TAOK2: variants seen among roughly 807,000 people sequenced by gnomAD.
TAOK2 encodes the protein serine/threonine-protein kinase TAO2.
Under a neutral mutation model 122.5 loss-of-function variants are expected in TAOK2, and 42 were observed. That is an observed-to-expected ratio of 0.34 (90% CI 0.27 to 0.44). TAOK2 has a LOEUF of 0.44. Among genes scored for constraint, TAOK2 ranks in the 20% least tolerant of loss-of-function variants. TAOK2 has a pLI of 1.00. For missense variants in TAOK2, 1,264 were observed against 1,644.9 expected (o/e 0.77, Z 4.01); for synonymous variants, 704 against 677.6 (o/e 1.04, Z -0.61).
In TAOK2 at chr16:29,986,249, A is replaced by G. The variant is rs545200235; in HGVS notation, c.1993-16A>G. The G allele has an allele frequency of 2.7e-6, 4 of 1,507,884 alleles. No individual in the cohort carries two copies. Among genetic ancestry groups the G allele is most frequent in the African/African-American group, 1.4e-5 (1 of 71,250 alleles). 93.4% of individuals were successfully genotyped at this position (1,507,884 alleles called of 1,614,324 possible). ...ATACTGACCAGGCCCCGGGCCCTGC[A>G]TTTCTTCTGCCTCAGGACCTGAACA... is the stretch of plus-strand genomic sequence containing the variant. On this transcript the variant is annotated splice_polypyrimidine_tract_variant and intron_variant, in intron 15 of 15. Transcript: ENST00000308893. This position sits in a 1 kb window ranked among gnomAD's most constrained non-coding sequence, Gnocchi z 4.2.
chr16:29,992,215 C>G (rs1596627757), downstream of TAOK2: 1 of 151,996 alleles, frequency 6.6e-6, no homozygotes, highest in South Asian at 2.1e-4. Context: ...GGGGCTGGCA[C>G]AGAGCCCCAG....
chr16:29,989,708 G>C, downstream of TAOK2: 1 of 1,614,044 alleles, frequency 6.2e-7, no homozygotes, highest in Non-Finnish European at 8.5e-7. Flanking sequence ...CAGCACAAGA[G>C]CCTCCTTAAG....
Position 29,979,336 on chromosome 16 carries a change from G to C in TAOK2, c.563+28G>C, listed in dbSNP as rs902035451. ...GAGTGAGTGAGTGGTGGTGAGTGGA[G>C]AGACCTCCCAGGGATGTTGGGAGTA... On this transcript the variant is annotated intron_variant, in intron 7 of 15. Transcript: ENST00000308893. The surrounding 1 kb of genome is among the most constrained non-coding windows in gnomAD (Gnocchi z 4.1). 11 of 1,612,772 alleles carry C rather than the reference G, an allele frequency of 6.8e-6. No homozygotes were observed. Among genetic ancestry groups the C allele is most frequent in the Non-Finnish European group, 9.3e-6 (11 of 1,178,986 alleles).
intron 13 of TAOK2, among the ~76,000 whole-genome samples, chr16:29,984,899 G>A (rs755988755): frequency 1.3e-5 from 2 of 152,146 alleles, no homozygotes; most frequent in Non-Finnish European, 2.9e-5. Context: ...CACATGCTTG[G>A]TAAGTGGCAA....
chr16:29,982,803 G>T lies in TAOK2; in HGVS notation c.901G>T (p.Val301Leu). The T allele has an allele frequency of 6.2e-7, 1 of 1,614,122 alleles. No homozygotes were observed. The highest frequency in any genetic ancestry group is 8.5e-7 in the Non-Finnish European group (1 of 1,179,982). ...CCTGATCCAGAGGACCAAGGATGCC[G>T]TGCGGGAGCTGGACAACCTGCAGTA... is the stretch of plus-strand genomic sequence containing the variant. ...MDLIQRTKDA[V>L]RELDNLQYRK... Residue 301 changes from valine (V) to leucine (L), a missense_variant, in exon 11 of 16, where the codon GTG (valine) becomes TTG (leucine). Coordinates refer to ENST00000308893, the MANE Select transcript of TAOK2 (RefSeq NM_016151.4).
rs1451097302 is a variant in TAOK2 at position 29,988,286 on chromosome 16, GT to G, written c.*314del. ...GGTGGTGGAGGGTGGGAAGAGTCAT[GT>G]TTTTTTTCTCCTCTTTGATTTTGTT... On this transcript the variant is annotated 3_prime_UTR_variant, in exon 16 of 16. Transcript: ENST00000308893. 8.2e-6 allele frequency: 12 copies of G among 1,465,720 alleles called. No homozygotes were observed. In the South Asian group the frequency reaches 1.2e-4, roughly 14 times the overall value. 90.8% of individuals were successfully genotyped at this position (1,465,720 alleles called of 1,614,324 possible).
chr16:29,987,860 G>A lies in TAOK2; in HGVS notation c.3588G>A (p.Arg1196=), dbSNP rs773776958. ...GTGAACGGCCCACCCGAATCCCCCGGCTACTACCACGCAGCCAGCGCCAGC... is the reference window on the plus strand; with the variant it reads ...GTGAACGGCCCACCCGAATCCCCCGACTACTACCACGCAGCCAGCGCCAGC... The part of the protein sequence containing the change: ...LRGERPTRIP[R]LLPRSQRQLG... The change falls in exon 16 of 16, where the codon CGG becomes CGA. Residue 1196 remains arginine (R), a synonymous_variant. Coordinates refer to ENST00000308893, the MANE Select transcript of TAOK2 (RefSeq NM_016151.4). 3.1e-6 allele frequency: 5 copies of A among 1,609,368 alleles called. No homozygotes were observed. Among genetic ancestry groups the A allele is most frequent in the Non-Finnish European group, 4.2e-6 (5 of 1,179,188 alleles).
At chr16:29,989,608 A>G (rs138875458), downstream of TAOK2, 727 of 1,613,992 alleles carry the variant, frequency 4.5e-4, 2 homozygotes, top group Non-Finnish European at 5.9e-4. Flanking sequence ...GGAGCTGCAG[A>G]TCAAGAAGCA....
intron 12 of TAOK2, 73 bp from the exon 13 acceptor site, chr16:29,983,430 T>A: frequency 6.4e-7 from 1 of 1,564,120 alleles, no homozygotes. Context: ...TGAGTCTGAT[T>A]GGCTGTCCTC....
At chr16:29,989,301 C>T (rs1384391062), downstream of TAOK2, 10 of 985,186 alleles carry the variant, frequency 1.0e-5, no homozygotes, top group South Asian at 4.7e-5. Context: ...ACTCCGTGCA[C>T]GTGCTCTTGG....
At position 29,987,278 on chromosome 16, in the gene TAOK2, C is replaced by CGAGA; in HGVS notation, c.3006_3007insGAGA (p.Tyr1003GlufsTer135). ...TGGGGCTGGTGGGTCTGGGGGCCTC[C>CGAGA]TACCTGCTCCTTTGTACAGCCCTGC... On this transcript the variant is annotated frameshift_variant, in exon 16 of 16. Transcript: ENST00000308893. LOFTEE classifies it high-confidence loss of function. 1 of 1,526,622 alleles carries CGAGA rather than the reference C, an allele frequency of 6.6e-7. No individual in the cohort carries two copies. Among genetic ancestry groups the CGAGA allele is most frequent in the South Asian group, 1.3e-5 (1 of 75,720 alleles). 94.6% of individuals were successfully genotyped at this position (1,526,622 alleles called of 1,614,324 possible).
At position 29,988,098 on chromosome 16, in the gene TAOK2, C is replaced by G. The variant is rs1331853613; in HGVS notation, c.*118C>G. 2.1e-6 allele frequency: 3 copies of G among 1,435,908 alleles called. No homozygotes were observed. The Admixed American group carries it at 8.6e-5, about 41-fold the overall frequency. 88.9% of individuals were successfully genotyped at this position (1,435,908 alleles called of 1,614,324 possible). On this transcript the variant is annotated 3_prime_UTR_variant, in exon 16 of 16. Transcript: ENST00000308893. Reference sequence around the variant, plus strand: ...TCACCCACCTTCCTCAGTTTGCTCACTTACCCCAGGCCCAGCCCTTCGGAC... The same window carrying G: ...TCACCCACCTTCCTCAGTTTGCTCAGTTACCCCAGGCCCAGCCCTTCGGAC...
At position 29,979,057 on chromosome 16, in the gene TAOK2, A is replaced by G; in HGVS notation, c.436A>G (p.Asn146Asp). The G allele has an allele frequency of 6.2e-7, 1 of 1,614,128 alleles. No individual in the cohort carries two copies. The highest frequency in any genetic ancestry group is 1.3e-5 in the African/African-American group (1 of 75,024). ...LQGLAYLHSH[N>D]MIHRDVKAGN... Reference sequence around the variant, plus strand: ...GGGCCTGGCATATCTGCACTCCCACAACATGATCCATAGGTACAAGCAGCA... The same window carrying G: ...GGGCCTGGCATATCTGCACTCCCACGACATGATCCATAGGTACAAGCAGCA... The change falls in exon 6 of 16, where the codon AAC becomes GAC. Residue 146 changes from asparagine (N) to aspartate (D), a missense_variant. Physicochemically the swap from Asn to Asp is conservative, Grantham distance 23. Transcript: ENST00000308893. The surrounding 1 kb of genome is among the most constrained non-coding windows in gnomAD (Gnocchi z 4.1).
downstream of TAOK2, chr16:29,991,052 A>G (rs1486706519): frequency 1.3e-6 from 2 of 1,574,214 alleles, no homozygotes; most frequent in Non-Finnish European, 8.6e-7. The surrounding 1 kb of genome is among the most constrained non-coding windows in gnomAD (Gnocchi z 5.6). Context: ...CCCAGGTGGA[A>G]GAGGAGCTGC....
chr16:29,978,152 T>C lies in TAOK2; in HGVS notation c.196T>C (p.Ser66Pro), dbSNP rs779036453. The C allele has an allele frequency of 4.3e-6, 7 of 1,613,886 alleles. No homozygotes were observed. In the South Asian group the frequency reaches 7.7e-5, roughly 18 times the overall value. ...GAAGATGTCCTACAGTGGGAAGCAG[T>C]CCAATGAGGTGGGCCAGGTGCAATA... ...IKKMSYSGKQSNEKWQDIIKE... is the reference protein window; with the variant it reads ...IKKMSYSGKQPNEKWQDIIKE... Residue 66 changes from serine (S) to proline (P), a missense_variant, in exon 3 of 16, where the codon TCC (serine) becomes CCC (proline). This residue lies in a region of TAOK2 where 254 missense variants were observed against 503.8 expected (regional missense o/e 0.50). Coordinates refer to ENST00000308893, the MANE Select transcript of TAOK2 (RefSeq NM_016151.4).
At position 29,979,173 on chromosome 16, in the gene TAOK2, C is replaced by G; in HGVS notation, c.450-22C>G. The stretch of plus-strand genomic sequence containing the variant: ...AGCTTTCTTGAGACACATGTCTCAT[C>G]CCTGTACTTTGCCTCTGGCAGGGAT... On this transcript the variant is annotated intron_variant, in intron 6 of 15. Coordinates refer to ENST00000308893, the MANE Select transcript of TAOK2 (RefSeq NM_016151.4). The surrounding 1 kb of genome is among the most constrained non-coding windows in gnomAD (Gnocchi z 4.1). 6.2e-7 allele frequency: 1 copy of G among 1,613,566 alleles called. No individual in the cohort carries two copies. Among genetic ancestry groups the G allele is most frequent in the Non-Finnish European group, 8.5e-7 (1 of 1,179,468 alleles).
rs146662869 is a variant in TAOK2 at position 29,987,379 on chromosome 16, G to A, written c.3107G>A (p.Arg1036Gln). The change falls in exon 16 of 16, where the codon CGA becomes CAA. Residue 1036 changes from arginine (R) to glutamine (Q), a missense_variant. This residue lies in a region of TAOK2 where 824 missense variants were observed against 908.7 expected (regional missense o/e 0.91). Transcript: ENST00000308893. Reference protein sequence around the residue: ...LGAVLGLSWRRGLMGVPLGLG... With the variant: ...LGAVLGLSWRQGLMGVPLGLG... ...GCCGTCCTGGGCCTGAGCTGGCGCC[G>A]AGGCCTCATGGGTGTTCCCCTGGGC... 5.7e-5 allele frequency: 92 copies of A among 1,600,108 alleles called. 1 individual carries two copies. The highest frequency in any genetic ancestry group is 7.2e-5 in the Non-Finnish European group (84 of 1,171,734).
chr16:29,980,262 C>T (rs933546485), intron 8 of TAOK2: 1 of 152,204 alleles, frequency 6.6e-6, no homozygotes, highest in African/African-American at 2.4e-5. Context: ...ATAAGGCTTC[C>T]AACACAATGC....
chr16:29,987,044 C>T lies in TAOK2; in HGVS notation c.2772C>T (p.Pro924=), dbSNP rs148450849. The T allele has an allele frequency of 8.1e-6, 13 of 1,612,226 alleles. No homozygotes were observed. Among genetic ancestry groups the T allele is most frequent in the Admixed American group, 5.0e-5 (3 of 59,854 alleles). The change falls in exon 16 of 16, where the codon CCC becomes CCT. Residue 924 remains proline (P), a synonymous_variant. Transcript: ENST00000308893. The part of the protein sequence containing the change: ...PRDPGDGCPS[P]DIPPEPPPTH... ...ATCCTGGAGATGGTTGTCCTTCCCC[C>T]GACATCCCTCCTGAACCCCCTCCAA...
Sources: allele counts gnomAD v4.1 joint callset (sites outside exome capture counted in the v4.1 genomes callset), GRCh38; gene constraint gnomAD v4.1.1; regional missense constraint gnomAD v4.1.1; non-coding constraint Gnocchi (gnomAD v3.1); transcripts MANE v1.5; gene names NCBI Gene and HGNC (gene_info 2026-07-23, HGNC 2026-07-21).